TLL1: variants seen among roughly 807,000 people sequenced by gnomAD.
TLL1 encodes tolloid-like protein 1.
A neutral mutation model predicts 128.2 loss-of-function variants in TLL1; 49 were observed. The observed-to-expected ratio is 0.38, with a 90% CI of 0.30 to 0.48. TLL1 has a LOEUF of 0.48. TLL1 is among the 20% of genes least tolerant of loss of function. The pLI is 0.96. For synonymous variants in TLL1, 454 were observed against 418.8 expected (o/e 1.08, Z -1.03); for missense variants, 1,123 against 1,242.0 (o/e 0.90, Z 1.44).
intron 1 of TLL1, among the ~76,000 whole-genome samples, chr4:165,985,910 C>T (rs1159379544): frequency 6.6e-6 from 1 of 151,798 alleles, no homozygotes; most frequent in Non-Finnish European, 1.5e-5. Flanking sequence ...TGGTTAGCTC[C>T]AACCCCCTAT....
chr4:165,994,498 G>A lies in TLL1; in HGVS notation c.479G>A (p.Gly160Asp). The A allele has an allele frequency of 6.2e-7, 1 of 1,613,974 alleles. No individual in the cohort carries two copies. Among genetic ancestry groups the A allele is most frequent in the Non-Finnish European group, 8.5e-7 (1 of 1,179,938 alleles). ...TSRTERIWPGGVIPYVIGGNF... is the reference protein window; with the variant it reads ...TSRTERIWPGDVIPYVIGGNF... ...AGAACGGAAAGAATATGGCCTGGAG[G>A]CGTTATTCCTTATGTTATAGGAGGA... The change falls in exon 4 of 21, where the codon GGC becomes GAC. Residue 160 changes from glycine to aspartate, a missense_variant. Around this residue, in one of 3 missense-constraint regions of TLL1, gnomAD observed 480 missense variants for 542.4 expected, o/e 0.89. Coordinates refer to ENST00000061240, the MANE Select transcript of TLL1 (RefSeq NM_012464.5).
chr4:166,050,402 G>GT (rs1295853047), intron 12 of TLL1, among the ~76,000 whole-genome samples: 1 of 152,112 alleles, frequency 6.6e-6, no homozygotes, highest in Non-Finnish European at 1.5e-5. Flanking sequence ...TGCTATGAAC[G>GT]TAAGTATGCA....
chr4:166,101,773 T>C lies in TLL1; in HGVS notation c.*897T>C, dbSNP rs571257507. 9.2e-5 allele frequency: 14 copies of C among 152,588 alleles called. No homozygotes were observed. The highest frequency in any genetic ancestry group is 3.4e-4 in the African/African-American group (14 of 41,548). The allele number at this position is 152,588 out of a possible 1,614,324, so 9.5% of individuals were successfully genotyped here. ...CAAGTTACTGCTGCTGCTATTGTCT[T>C]TCCTTTGTTGTCGATCTGTTATTGT... is the stretch of plus-strand genomic sequence containing the variant. On this transcript the variant is annotated 3_prime_UTR_variant, in exon 21 of 21. Coordinates refer to ENST00000061240, the MANE Select transcript of TLL1 (RefSeq NM_012464.5).
At chr4:165,927,262 A>T (rs1733317197) in intron 1 of TLL1, among the ~76,000 whole-genome samples, 1 of 152,204 alleles carries the variant, frequency 6.6e-6, no homozygotes, top group Non-Finnish European at 1.5e-5. Flanking sequence ...TCCGTAGGCG[A>T]TGTTGTGTAG....
rs148020327 is a variant in TLL1 at position 165,963,737 on chromosome 4, C to T, written c.170-25644C>T. Among the ~76,000 whole-genome samples the T allele has an allele frequency of 4.0e-3, 603 of 152,230 alleles. 5 individuals are homozygous for T. Among genetic ancestry groups the T allele is most frequent in the African/African-American group, 0.013 (552 of 41,560 alleles). On this transcript the variant is annotated intron_variant, in intron 1 of 20. Transcript: ENST00000061240. ...CTCAACAGATAACACACTCTGTCTT[C>T]GCCTGGTAGGATAGAAGAGAACATG... is the stretch of plus-strand genomic sequence containing the variant.
At position 165,988,290 on chromosome 4, in the gene TLL1, T is replaced by C. The variant is rs762271876; in HGVS notation, c.170-1091T>C. Among the ~76,000 whole-genome samples the C allele has an allele frequency of 3.9e-5, 6 of 152,196 alleles. No individual in the cohort carries two copies. The East Asian group carries it at 7.7e-4, about 20-fold the overall frequency. ...AATGGTTTATAGAGCTTTGCTTTATTAAGTAGCATAATACACTAGGTAAAA... is the reference window on the plus strand; with the variant it reads ...AATGGTTTATAGAGCTTTGCTTTATCAAGTAGCATAATACACTAGGTAAAA... On this transcript the variant is annotated intron_variant, in intron 1 of 20. Coordinates refer to ENST00000061240, the MANE Select transcript of TLL1 (RefSeq NM_012464.5).
Position 166,074,947 on chromosome 4 carries a change from TG to T in TLL1, c.2259del (p.Met753IlefsTer62). 6.2e-7 allele frequency: 1 copy of T among 1,613,684 alleles called. No homozygotes were observed. Among genetic ancestry groups the T allele is most frequent in the Non-Finnish European group, 8.5e-7 (1 of 1,179,664 alleles). ...HECVNTMGSY[M>X]CQCRNGFVLH... ...TGTGTCAACACGATGGGGAGCTACA[TG>T]TGTCAATGCCGTAATGGATTTGTGC... On this transcript the variant is annotated frameshift_variant, in exon 17 of 21. Transcript: ENST00000061240. LOFTEE classifies it high-confidence loss of function.
intron 1 of TLL1, among the ~76,000 whole-genome samples, chr4:165,948,028 C>A (rs1734339223): frequency 6.6e-6 from 1 of 152,164 alleles, no homozygotes; most frequent in Non-Finnish European, 1.5e-5. Context: ...ACTCAGAGGG[C>A]AGAGTAGCTT....
intron 10 of TLL1, among the ~76,000 whole-genome samples, chr4:166,041,559 A>C (rs907473690): frequency 6.6e-6 from 1 of 151,980 alleles, no homozygotes; most frequent in African/African-American, 2.4e-5. Flanking sequence ...TCGGCCTCCC[A>C]AAGTCCTGGG....
intron 5 of TLL1, among the ~76,000 whole-genome samples, chr4:166,001,308 ATATATT>A (rs1737141564): frequency 1.3e-5 from 2 of 152,130 alleles, no homozygotes; most frequent in East Asian, 1.9e-4. Flanking sequence ...AAAGTTTTAG[ATATATT>A]TATAATTGTA....
At chr4:165,878,008 A>C (rs912198954) in intron 1 of TLL1, among the ~76,000 whole-genome samples, 2 of 152,180 alleles carry the variant, frequency 1.3e-5, no homozygotes, top group Non-Finnish European at 2.9e-5. Flanking sequence ...GTGAAAGTCC[A>C]AAAACCTAGA....
At chr4:166,090,587 G>C (rs1020282415) in intron 18 of TLL1, among the ~76,000 whole-genome samples, 3 of 152,026 alleles carry the variant, frequency 2.0e-5, no homozygotes, top group African/African-American at 7.2e-5. Flanking sequence ...GTTTGCTAAT[G>C]ATATGGTTTG....
At position 165,873,893 on chromosome 4, in the gene TLL1, CG is replaced by C; in HGVS notation, c.-7del. ...TGGGTCCCGTCCCCTCCTTTTCCTC[CG>C]GGGGAGGAGGATGGGGTTGGGAACG... On this transcript the variant is annotated 5_prime_UTR_variant, in exon 1 of 21. Transcript: ENST00000061240. 6.2e-7 allele frequency: 1 copy of C among 1,613,534 alleles called. No individual in the cohort carries two copies. Among genetic ancestry groups the C allele is most frequent in the South Asian group, 1.1e-5 (1 of 91,038 alleles).
intron 1 of TLL1, among the ~76,000 whole-genome samples, chr4:165,887,748 T>A (rs886830469): frequency 3.3e-5 from 5 of 152,186 alleles, no homozygotes; most frequent in Non-Finnish European, 7.3e-5. Context: ...TGGATTATTT[T>A]AAAGAGAATT....
At chr4:166,025,704 C>A (rs564764625) in intron 9 of TLL1, among the ~76,000 whole-genome samples, 1 of 151,902 alleles carries the variant, frequency 6.6e-6, no homozygotes, top group Non-Finnish European at 1.5e-5. Context: ...ATCAGAAAGA[C>A]GCTTAGAAAA....
intron 1 of TLL1, among the ~76,000 whole-genome samples, chr4:165,912,217 C>T (rs1732565630): frequency 6.6e-6 from 1 of 152,106 alleles, no homozygotes; most frequent in African/African-American, 2.4e-5. Flanking sequence ...GCACTGTTGC[C>T]TTGTTCAACA....
Position 166,099,510 on chromosome 4 carries a change from C to T in TLL1, c.2890C>T (p.Arg964Ter), listed in dbSNP as rs541756882. 6.2e-7 allele frequency: 1 copy of T among 1,612,760 alleles called. No individual in the cohort carries two copies. The highest frequency in any genetic ancestry group is 8.5e-7 in the Non-Finnish European group (1 of 1,179,484). Reference sequence around the variant, plus strand: ...TGATTCAACAGCTGTGGGGCTTGGTCGATTCTGTGGATCCGGGGTAAATAT... The same window carrying T: ...TGATTCAACAGCTGTGGGGCTTGGTTGATTCTGTGGATCCGGGGTAAATAT... ...GLDSTAVGLG[R>*]FCGSGPPEEI... The change falls in exon 20 of 21, where the codon CGA (arginine) becomes TGA (stop). Residue 964 changes from arginine to a stop codon, truncating the protein, a stop_gained. Transcript: ENST00000061240. LOFTEE classifies it high-confidence loss of function.
intron 1 of TLL1, among the ~76,000 whole-genome samples, chr4:165,908,932 C>T (rs551473383): frequency 9.2e-5 from 14 of 152,296 alleles, no homozygotes; most frequent in African/African-American, 1.9e-4. Context: ...AAGAATGGCT[C>T]ATGCCTGTAA....
chr4:165,977,346 G>C (rs1446821369), intron 1 of TLL1, among the ~76,000 whole-genome samples: 2 of 152,028 alleles, frequency 1.3e-5, no homozygotes, highest in African/African-American at 4.8e-5. Flanking sequence ...TGTTCCTCCT[G>C]CACACACTCT....
Sources: allele counts gnomAD v4.1 joint callset (sites outside exome capture counted in the v4.1 genomes callset), GRCh38; gene constraint gnomAD v4.1.1; regional missense constraint gnomAD v4.1.1; transcripts MANE v1.5; gene names NCBI Gene and HGNC (gene_info 2026-07-23, HGNC 2026-07-21).